The following TEDC1 variants were observed in gnomAD, a reference collection of about 807,000 sequenced individuals.
The protein encoded by TEDC1 is tubulin epsilon and delta complex 1.
TEDC1 carries 54 observed loss-of-function variants against 59.9 expected under a neutral mutation model. The ratio of observed to expected loss-of-function variants is 0.90; its 90% CI spans 0.72 to 1.13. The LOEUF (loss-of-function observed/expected upper bound fraction) is 1.13, where lower values mean the gene tolerates loss of function less well. Among genes scored for constraint, TEDC1 ranks in the 50% most tolerant of loss-of-function variants. The pLI, the probability that TEDC1 is intolerant of heterozygous loss-of-function variation, is 0.00. For missense variants in TEDC1, 734 were observed against 683.4 expected (o/e 1.07, Z -0.83); for synonymous variants, 353 against 298.1 (o/e 1.18, Z -1.90).
chr14:105,497,832 C>G lies in TEDC1; in HGVS notation c.1013C>G (p.Pro338Arg). ...TVLGTCAPEV[P>R]AAASQPTFLP... ...CTGGGCACCTGTGCCCCGGAGGTGC[C>G]TGCTGCAGCCTCACAGCCCACCTTC... Residue 338 changes from proline to arginine, a missense_variant, in exon 8 of 9, where the codon CCT (proline) becomes CGT (arginine). By Grantham distance (103) the Pro-to-Arg change is moderately radical. Coordinates refer to ENST00000392523, the MANE Select transcript of TEDC1 (RefSeq NM_001367178.1). 1 of 1,573,412 alleles carries G rather than the reference C, an allele frequency of 6.4e-7. No homozygotes were observed. The highest frequency in any genetic ancestry group is 1.2e-5 in the South Asian group (1 of 85,632).
At chr14:105,491,872 G>A (rs1456865367) in intron 2 of TEDC1, among the ~76,000 whole-genome samples, 172 bp downstream of exon 2, 1 of 152,220 alleles carries the variant, frequency 6.6e-6, no homozygotes, top group Admixed American at 6.5e-5. Context: ...CCCCTGATGG[G>A]CCCTAGCTCC....
At chr14:105,495,680 C>G in intron 5 of TEDC1, 200 bp from the exon 6 acceptor site, 1 of 584,472 alleles carries the variant, frequency 1.7e-6, no homozygotes, top group Non-Finnish European at 3.0e-6. Context: ...TCAGCGAAGC[C>G]CAGGCTTCTG....
chr14:105,493,963 T>TGGGGGGGGGGGGG, intron 5 of TEDC1, 30 bp downstream of exon 5: 1 of 151,044 alleles, frequency 6.6e-6, no homozygotes. Context: ...TGCGGGGGGG[T>TGGGGGGGGGGGGG]GGGGGTGGGC....
Position 105,492,751 on chromosome 14 carries a change from G to A in TEDC1, c.585+17G>A, listed in dbSNP as rs1555439776. ...CTGAGCAAGGTAGAGCTGGCACAGG[G>A]CTTCCACTCAGGGGCTGTGTCCCGT... On this transcript the variant is annotated intron_variant, in intron 4 of 8. Transcript: ENST00000392523. The A allele has an allele frequency of 1.3e-6, 2 of 1,538,416 alleles. No homozygotes were observed.
chr14:105,493,978 G>A (rs1435452210), intron 5 of TEDC1, 45 bp downstream of exon 5: 14 of 481,100 alleles, frequency 2.9e-5, no homozygotes, highest in South Asian at 2.1e-4. Flanking sequence ...GTGGGCTGGG[G>A]GGCACAGCAG....
Position 105,496,058 on chromosome 14 carries a change from C to G in TEDC1, c.863C>G (p.Ala288Gly), listed in dbSNP as rs2084337979. 3.9e-6 allele frequency: 6 copies of G among 1,539,674 alleles called. No homozygotes were observed. The highest frequency in any genetic ancestry group is 3.4e-4 in the Middle Eastern group (2 of 5,910). Reference protein sequence around the residue: ...AAPLDPGGASACSLLSPFRAL... With the variant: ...AAPLDPGGASGCSLLSPFRAL... ...CCCTTGGATCCTGGTGGGGCCTCAG[C>G]CTGCAGCCTGCTCTCCCCTTTTAGG... Residue 288 changes from alanine to glycine, a missense_variant, in exon 6 of 9, where the codon GCC (alanine) becomes GGC (glycine). Transcript: ENST00000392523.
rs1185996730 is a variant in TEDC1 at position 105,492,570 on chromosome 14, C to T, written c.430-9C>T. On this transcript the variant is annotated splice_polypyrimidine_tract_variant and intron_variant, in intron 3 of 8. Transcript: ENST00000392523. ...GTGGGAGCAGGGCCTGACCCTTGCC[C>T]CTCTCCAGTGTGAGGCCCTGGCCAG... 3 of 1,537,032 alleles carry T rather than the reference C, an allele frequency of 2.0e-6. No individual in the cohort carries two copies. The highest frequency in any genetic ancestry group is 1.2e-5 in the South Asian group (1 of 84,006).
At position 105,495,898 on chromosome 14, in the gene TEDC1, G is replaced by A. The variant is rs1294029619; in HGVS notation, c.703G>A (p.Ala235Thr). The A allele has an allele frequency of 2.5e-5, 39 of 1,549,830 alleles. No individual in the cohort carries two copies. Among genetic ancestry groups the A allele is most frequent in the African/African-American group, 5.5e-5 (4 of 73,046 alleles). Residue 235 changes from alanine (A) to threonine (T), a missense_variant, in exon 6 of 9, where the codon GCC (alanine) becomes ACC (threonine). By Grantham distance (58) the Ala-to-Thr change is moderately conservative. Coordinates refer to ENST00000392523, the MANE Select transcript of TEDC1 (RefSeq NM_001367178.1). ...GGQQVSGAGAAQNLDLAYPKC... is the reference protein window; with the variant it reads ...GGQQVSGAGATQNLDLAYPKC... ...TTCCAAGGTTTCTGGAGCGGGAGCT[G>A]CCCAAAACCTGGACCTGGCCTACCC...
At position 105,499,051 on chromosome 14, in the gene TEDC1, T is replaced by C. The variant is rs1555441213; in HGVS notation, c.*105T>C. Reference sequence around the variant, plus strand: ...CAGGTGGCCGCAGGGACGATGCAGATGCAGAGCCCACGTCACATGCTCGCT... The same window carrying C: ...CAGGTGGCCGCAGGGACGATGCAGACGCAGAGCCCACGTCACATGCTCGCT... On this transcript the variant is annotated 3_prime_UTR_variant, in exon 9 of 9. Transcript: ENST00000392523. The C allele has an allele frequency of 8.1e-7, 1 of 1,240,036 alleles. No individual in the cohort carries two copies. Among genetic ancestry groups the C allele is most frequent in the Non-Finnish European group, 1.1e-6 (1 of 911,206 alleles). 76.8% of individuals were successfully genotyped at this position (1,240,036 alleles called of 1,614,324 possible). A position where few individuals can be genotyped will look rare whatever the true frequency, so the allele number is the denominator to read the frequency against.
intron 6 of TEDC1, chr14:105,497,150 C>T (rs936215504): frequency 1.4e-5 from 9 of 637,060 alleles, no homozygotes; most frequent in Non-Finnish European, 2.2e-5. Flanking sequence ...GCAGAAAGGA[C>T]AGGTGGGCTG....
At chr14:105,490,696 A>G (rs1595467766), upstream of TEDC1, 1 of 199,568 alleles carries the variant, frequency 5.0e-6, no homozygotes, top group East Asian at 1.4e-4. Flanking sequence ...GCCAGGGGCC[A>G]GGGGCCGGCC....
upstream of TEDC1, chr14:105,490,658 G>A (rs587755884): frequency 6.3e-6 from 1 of 159,658 alleles, no homozygotes; most frequent in Non-Finnish European, 1.4e-5. Context: ...CTGCGCGTTC[G>A]GGGCGGGGGA....
At position 105,492,460 on chromosome 14, in the gene TEDC1, G is replaced by T. The variant is rs587661811; in HGVS notation, c.430-119G>T. ...CAGCTGCCCAGCTGAAAGCACGGAG[G>T]CTCCCTGTGCAGGGAGCACCCGTTG... is the stretch of plus-strand genomic sequence containing the variant. On this transcript the variant is annotated intron_variant, in intron 3 of 8. Coordinates refer to ENST00000392523, the MANE Select transcript of TEDC1 (RefSeq NM_001367178.1). The T allele has an allele frequency of 1.2e-5, 17 of 1,462,458 alleles. No homozygotes were observed. In the South Asian group the frequency reaches 2.2e-4, roughly 19 times the overall value. The allele number at this position is 1,462,458 out of a possible 1,614,324, so 90.6% of individuals were successfully genotyped here. A position where few individuals can be genotyped will look rare whatever the true frequency, so the allele number is the denominator to read the frequency against.
chr14:105,491,629 C>T lies in TEDC1; in HGVS notation c.155C>T (p.Ala52Val). The change falls in exon 2 of 9, where the codon GCG becomes GTG. Residue 52 changes from alanine (A) to valine (V), a missense_variant. Transcript: ENST00000392523. ...AKFDRPEATSALWQLLFRVLS... is the reference protein window; with the variant it reads ...AKFDRPEATSVLWQLLFRVLS... Reference sequence around the variant, plus strand: ...GCTTTTTATTTTCCGCAGACCTCCGCGCTCTGGCAGCTCCTCTTCCGTGTG... The same window carrying T: ...GCTTTTTATTTTCCGCAGACCTCCGTGCTCTGGCAGCTCCTCTTCCGTGTG... 1.3e-6 allele frequency: 2 copies of T among 1,549,714 alleles called. No individual in the cohort carries two copies. Among genetic ancestry groups the T allele is most frequent in the Admixed American group, 2.0e-5 (1 of 50,980 alleles).
At chr14:105,496,121 G>A (rs937761662) in intron 6 of TEDC1, 35 bp downstream of exon 6, 13 of 1,226,020 alleles carry the variant, frequency 1.1e-5, no homozygotes, top group Admixed American at 5.1e-5. Context: ...AGTGGAGACC[G>A]CAGGACTTGG....
At chr14:105,494,353 G>A (rs2084295309) in intron 5 of TEDC1, 2 of 250,756 alleles carry the variant, frequency 8.0e-6, no homozygotes, top group Non-Finnish European at 1.6e-5. Context: ...GAAGGGTTGG[G>A]CACAGGGCTG....
upstream of TEDC1, chr14:105,490,963 T>C (rs1311967727): frequency 6.4e-6 from 9 of 1,402,910 alleles, no homozygotes; most frequent in African/African-American, 1.1e-4. Context: ...GACTCTGCGG[T>C]GTTCTCCATA....
intron 4 of TEDC1, 127 bp from the exon 5 acceptor site, chr14:105,493,708 C>A: frequency 2.9e-6 from 2 of 687,248 alleles, no homozygotes; most frequent in Non-Finnish European, 2.5e-6. Context: ...GAGTGGCTTT[C>A]TCTGAGCCCT....
chr14:105,491,739 G>GGCCCCGCCTACTCCTGTAAA (rs1555439419), intron 2 of TEDC1, 39 bp downstream of exon 2: 3 of 1,525,276 alleles, frequency 2.0e-6, no homozygotes, highest in Admixed American at 4.0e-5. Flanking sequence ...CGGTAGCACT[G>GGCCCCGCCTACTCCTGTAAA]GCCCCGCCTA....
Sources: allele counts gnomAD v4.1 joint callset (sites outside exome capture counted in the v4.1 genomes callset), GRCh38; gene constraint gnomAD v4.1.1; transcripts MANE v1.5; gene names NCBI Gene and HGNC (gene_info 2026-07-23, HGNC 2026-07-21).